Variants in FABP12 observed in about 807,000 individuals in gnomAD.
FABP12 encodes the protein fatty acid binding protein 12, also known as fatty acid-binding protein 12.
Under a neutral mutation model 13.7 loss-of-function variants are expected in FABP12, and 19 were observed. That is an observed-to-expected ratio of 1.39 (90% CI 0.97 to 2.04). The LOEUF is 2.04. Ranked by LOEUF, FABP12 falls within the 30% of genes most tolerant of loss-of-function variation. The pLI is 0.00. For missense variants in FABP12, 182 were observed against 164.2 expected (o/e 1.11, Z -0.59); for synonymous variants, 61 against 57.0 (o/e 1.07, Z -0.32).
intron 1 of FABP12, among the ~76,000 whole-genome samples, chr8:81,577,012 G>C (rs1453866297): frequency 6.6e-6 from 1 of 152,198 alleles, no homozygotes; most frequent in African/African-American, 2.4e-5. Context: ...GAAAACATTT[G>C]AGCATCCCTA....
intron 1 of FABP12, among the ~76,000 whole-genome samples, chr8:81,544,036 G>A (rs59845200): frequency 0.016 from 2,408 of 152,200 alleles, 58 homozygotes; most frequent in African/African-American, 0.055. Context: ...AGAAAAATAC[G>A]TGGTGGTCTG....
upstream of FABP12, among the ~76,000 whole-genome samples, chr8:81,535,298 G>A (rs537907266): frequency 3.9e-5 from 6 of 152,232 alleles, no homozygotes; most frequent in African/African-American, 9.6e-5. Flanking sequence ...CCCTGCCACC[G>A]AATACAATGT....
At chr8:81,545,755 T>C (rs563578787) in intron 1 of FABP12, among the ~76,000 whole-genome samples, 1 of 152,308 alleles carries the variant, frequency 6.6e-6, no homozygotes, top group East Asian at 1.9e-4. Flanking sequence ...TTTTAAAAGT[T>C]TTTTGGACTT....
intron 1 of FABP12, among the ~76,000 whole-genome samples, chr8:81,562,332 C>A (rs1399511593): frequency 1.3e-5 from 2 of 152,152 alleles, no homozygotes; most frequent in East Asian, 3.9e-4. Context: ...CAGGGGTGAC[C>A]CAGTCTTTTC....
At chr8:81,548,970 G>T (rs922054691) in intron 1 of FABP12, among the ~76,000 whole-genome samples, 1 of 152,106 alleles carries the variant, frequency 6.6e-6, no homozygotes, top group Non-Finnish European at 1.5e-5. Flanking sequence ...ACAGACAGAC[G>T]TTGACTAAAG....
chr8:81,563,327 C>T (rs151099646), intron 1 of FABP12, among the ~76,000 whole-genome samples: 4 of 152,306 alleles, frequency 2.6e-5, no homozygotes, highest in Middle Eastern at 6.8e-3. Flanking sequence ...TGGGTACAAA[C>T]AAGCCCAGAT....
At chr8:81,579,797 A>G (rs1810125761) in intron 1 of FABP12, among the ~76,000 whole-genome samples, 1 of 152,212 alleles carries the variant, frequency 6.6e-6, no homozygotes, top group African/African-American at 2.4e-5. Context: ...CAAAGGTTTA[A>G]CCATATTTCT....
intron 1 of FABP12, among the ~76,000 whole-genome samples, chr8:81,582,222 A>G (rs2130106343): frequency 7.0e-6 from 1 of 141,862 alleles, no homozygotes; most frequent in East Asian, 2.2e-4. Context: ...TCCCGGGTTC[A>G]AGTGATTATT....
At chr8:81,584,737 T>C (rs1168629417) in intron 1 of FABP12, among the ~76,000 whole-genome samples, 1 of 152,236 alleles carries the variant, frequency 6.6e-6, no homozygotes, top group Non-Finnish European at 1.5e-5. Flanking sequence ...TTCTTCATAG[T>C]GGATATTCTA....
At chr8:81,546,417 G>A (rs1809434708) in intron 1 of FABP12, among the ~76,000 whole-genome samples, 1 of 152,060 alleles carries the variant, frequency 6.6e-6, no homozygotes. Context: ...ACTTTGGGAG[G>A]CGGAGGTGGG....
At chr8:81,568,762 T>C (rs986340143) in intron 1 of FABP12, among the ~76,000 whole-genome samples, 1 of 152,124 alleles carries the variant, frequency 6.6e-6, no homozygotes, top group Non-Finnish European at 1.5e-5. Flanking sequence ...ATAAAGAAAA[T>C]GTAGTACATA....
intron 1 of FABP12, among the ~76,000 whole-genome samples, chr8:81,555,095 T>C (rs2130025297): frequency 6.6e-6 from 1 of 152,250 alleles, no homozygotes; most frequent in South Asian, 2.1e-4. Flanking sequence ...AACAGCTACT[T>C]CACCCTTAAT....
At chr8:81,532,543 C>T (rs973446987) in intron 1 of FABP12, among the ~76,000 whole-genome samples, 2 of 152,184 alleles carry the variant, frequency 1.3e-5, no homozygotes, top group South Asian at 2.1e-4. Flanking sequence ...TATAGTTTGG[C>T]CAGGTGCAGT....
At chr8:81,541,776 T>C (rs73692932) in intron 1 of FABP12, among the ~76,000 whole-genome samples, 2 of 151,946 alleles carry the variant, frequency 1.3e-5, no homozygotes, top group Non-Finnish European at 2.9e-5. Flanking sequence ...ATTGTTACTA[T>C]AACCTCAGAT....
chr8:81,529,511 A>G, exon 3 of FABP12: 1 of 1,613,912 alleles, frequency 6.2e-7, no homozygotes, highest in Non-Finnish European at 8.5e-7. Context: ...ATTATTTTTA[A>G]AGATGCTTTT....
chr8:81,545,557 C>T (rs946256809), intron 1 of FABP12, among the ~76,000 whole-genome samples: 1 of 152,006 alleles, frequency 6.6e-6, no homozygotes, highest in Admixed American at 6.6e-5. Flanking sequence ...ATAAATAATC[C>T]TGCAGTTTTG....
intron 1 of FABP12, among the ~76,000 whole-genome samples, chr8:81,566,520 A>G (rs1585853693): frequency 1.3e-5 from 2 of 152,160 alleles, no homozygotes; most frequent in African/African-American, 4.8e-5. Context: ...AACATATGCA[A>G]ATCAATCAGT....
chr8:81,538,517 G>T (rs1809277631), upstream of FABP12, among the ~76,000 whole-genome samples: 2 of 152,154 alleles, frequency 1.3e-5, no homozygotes, highest in South Asian at 4.1e-4. Context: ...AGGAGAGGGA[G>T]ATTTAAGACA....
chr8:81,562,265 T>C (rs1006946140), intron 1 of FABP12, among the ~76,000 whole-genome samples: 1 of 152,144 alleles, frequency 6.6e-6, no homozygotes, highest in Non-Finnish European at 1.5e-5. Flanking sequence ...TAATCAGCAG[T>C]GGTACCCCGG....
Sources: allele counts gnomAD v4.1 joint callset (sites outside exome capture counted in the v4.1 genomes callset), GRCh38; gene constraint gnomAD v4.1.1; transcripts MANE v1.5; gene names NCBI Gene and HGNC (gene_info 2026-07-23, HGNC 2026-07-21).